Variants in CLEC1A observed in about 807,000 individuals in gnomAD.
CLEC1A encodes the protein C-type lectin domain family 1 member A.
CLEC1A carries 34 observed loss-of-function variants against 28.7 expected under a neutral mutation model. The observed-to-expected ratio is 1.18, with a 90% CI of 0.90 to 1.57. The LOEUF (loss-of-function observed/expected upper bound fraction) is 1.57. CLEC1A is among the 40% of genes most tolerant of loss of function. The pLI, the probability that CLEC1A is intolerant of heterozygous loss-of-function variation, is 0.00. For synonymous variants in CLEC1A, 116 were observed against 121.0 expected (o/e 0.96, Z 0.27); for missense variants, 385 against 339.5 (o/e 1.13, Z -1.05).
intron 1 of CLEC1A, among the ~76,000 whole-genome samples, chr12:10,090,509 C>T (rs1223768307): frequency 1.3e-5 from 2 of 152,164 alleles, no homozygotes; most frequent in East Asian, 1.9e-4. Context: ...AAGTGATCCT[C>T]TAACCCCGCC....
chr12:10,097,611 C>G (rs1266210492), intron 1 of CLEC1A, among the ~76,000 whole-genome samples: 1 of 151,302 alleles, frequency 6.6e-6, no homozygotes, highest in Non-Finnish European at 1.5e-5. Context: ...CTCCACCTCC[C>G]TCTCCACCCT....
intron 3 of CLEC1A, among the ~76,000 whole-genome samples, chr12:10,080,214 G>T (rs1866338657): frequency 6.6e-6 from 1 of 152,146 alleles, no homozygotes; most frequent in African/African-American, 2.4e-5. Context: ...TCAGGAGGCT[G>T]AGGCAGGAGA....
At chr12:10,077,963 T>C (rs2002172171) in intron 3 of CLEC1A, among the ~76,000 whole-genome samples, 2 of 152,166 alleles carry the variant, frequency 1.3e-5, no homozygotes, top group Admixed American at 1.3e-4. Context: ...TCTATGCTTC[T>C]AGTTGTTTTG....
In CLEC1A at chr12:10,081,296, G is replaced by A. The variant is rs769949469; in HGVS notation, c.332C>T (p.Ala111Val). Residue 111 changes from alanine to valine, a missense_variant, in exon 3 of 6, where the codon GCA becomes GTA. By Grantham distance (64) the Ala-to-Val change is moderately conservative. Coordinates refer to ENST00000315330, the MANE Select transcript of CLEC1A (RefSeq NM_016511.4). ...QSLQVQNIKL[A>V]GSLQHVAEKL... is the part of the protein sequence containing the mutation. ...TTCAGCCACATGCTGCAGACTTCCT[G>A]CAAGCTTTATATTCTGGACTTGAAG... The A allele has an allele frequency of 8.1e-6, 13 of 1,612,550 alleles. No homozygotes were observed. Among genetic ancestry groups the A allele is most frequent in the Non-Finnish European group, 1.1e-5 (13 of 1,179,370 alleles).
chr12:10,084,659 A>G (rs11561164), intron 2 of CLEC1A, among the ~76,000 whole-genome samples: 2,436 of 151,932 alleles, frequency 0.016, 62 homozygotes, highest in East Asian at 0.11. Context: ...TGTCTCCACT[A>G]AAAATACAAA....
intron 3 of CLEC1A, 125 bp downstream of exon 3, chr12:10,081,112 C>A: frequency 1.3e-6 from 1 of 768,044 alleles, no homozygotes; most frequent in Non-Finnish European, 2.1e-6. Context: ...GATCTTGAAG[C>A]CCAAACCCTT....
Position 10,081,324 on chromosome 12 carries a change from AT to A in CLEC1A, c.303del (p.Gln101HisfsTer8), listed in dbSNP as rs1261810333. ...AGCTTTATATTCTGGACTTGAAGAG[AT>A]TGCAACTCTTGGGACGTATTTCCTA... ...ERLGNTSQEL[Q>X]SLQVQNIKLA... is the part of the protein sequence containing the mutation. On this transcript the variant is annotated frameshift_variant, in exon 3 of 6. Coordinates refer to ENST00000315330, the MANE Select transcript of CLEC1A (RefSeq NM_016511.4). LOFTEE classifies it high-confidence loss of function. 2 of 1,612,850 alleles carry A rather than the reference AT, an allele frequency of 1.2e-6. No individual in the cohort carries two copies. The highest frequency in any genetic ancestry group is 1.7e-6 in the Non-Finnish European group (2 of 1,179,234).
At position 10,098,821 on chromosome 12, in the gene CLEC1A, C is replaced by T. The variant is rs772876022; in HGVS notation, c.102G>A (p.Glu34=). 1.4e-5 allele frequency: 23 copies of T among 1,612,372 alleles called. No individual in the cohort carries two copies. Among genetic ancestry groups the T allele is most frequent in the Admixed American group, 1.0e-4 (6 of 59,916 alleles). ...GAGACAGGGTACCTGTGCGCCGGGGCTCTGGATGCCGAGTTGTGGCAGAGC... is the reference window on the plus strand; with the variant it reads ...GAGACAGGGTACCTGTGCGCCGGGGTTCTGGATGCCGAGTTGTGGCAGAGC... ...SQGSATTRHP[E]PRRTEHRAPS... The change falls in exon 1 of 6, where the codon GAG becomes GAA. Residue 34 remains glutamate (E), a synonymous_variant. Coordinates refer to ENST00000315330, the MANE Select transcript of CLEC1A (RefSeq NM_016511.4).
At chr12:10,098,683 C>A in intron 1 of CLEC1A, 125 bp downstream of exon 1, 2 of 617,326 alleles carry the variant, frequency 3.2e-6, no homozygotes, top group Non-Finnish European at 5.6e-6. Context: ...TACTATGTCA[C>A]AGGGCGAGTA....
At chr12:10,083,614 A>T (rs541886591) in intron 2 of CLEC1A, among the ~76,000 whole-genome samples, 1 of 152,216 alleles carries the variant, frequency 6.6e-6, no homozygotes, top group Admixed American at 6.5e-5. Context: ...CTGGGATTAC[A>T]GGTGCCCACC....
intron 1 of CLEC1A, among the ~76,000 whole-genome samples, chr12:10,090,516 C>T (rs1866595079): frequency 6.6e-6 from 1 of 152,082 alleles, no homozygotes; most frequent in Non-Finnish European, 1.5e-5. Flanking sequence ...CCTCTAACCC[C>T]GCCTCCCAAA....
At chr12:10,097,824 A>G (rs3912644) in intron 1 of CLEC1A, among the ~76,000 whole-genome samples, 112,909 of 149,660 alleles carry the variant, frequency 0.75, 44,403 homozygotes, top group Non-Finnish European at 0.88. Flanking sequence ...TGTGGCTACA[A>G]AAGCTGACAT....
chr12:10,089,663 A>T (rs1866572595), intron 1 of CLEC1A, among the ~76,000 whole-genome samples: 1 of 152,082 alleles, frequency 6.6e-6, no homozygotes, highest in South Asian at 2.1e-4. Flanking sequence ...GTTACTTTTG[A>T]AAAACATCCC....
At chr12:10,091,099 G>GT (rs748656024) in intron 1 of CLEC1A, among the ~76,000 whole-genome samples, 1 of 152,120 alleles carries the variant, frequency 6.6e-6, no homozygotes, top group Admixed American at 6.5e-5. Context: ...GAAGAGGTCC[G>GT]TAAGTCCATC....
intron 2 of CLEC1A, among the ~76,000 whole-genome samples, chr12:10,087,709 G>C (rs946932077): frequency 1.3e-5 from 2 of 150,204 alleles, no homozygotes; most frequent in African/African-American, 4.9e-5. Context: ...TTTCAGTAGA[G>C]ACAAGGTTTC....
At chr12:10,078,472 T>A (rs1161933721) in intron 3 of CLEC1A, among the ~76,000 whole-genome samples, 1 of 152,228 alleles carries the variant, frequency 6.6e-6, no homozygotes, top group African/African-American at 2.4e-5. Context: ...TGCTACCATA[T>A]AATCATCTTA....
At position 10,089,219 on chromosome 12, in the gene CLEC1A, T is replaced by C; in HGVS notation, c.119A>G (p.His40Arg). The C allele has an allele frequency of 6.2e-7, 1 of 1,613,782 alleles. No homozygotes were observed. The highest frequency in any genetic ancestry group is 2.2e-5 in the East Asian group (1 of 44,874). Residue 40 changes from histidine (H) to arginine (R), a missense_variant, in exon 2 of 6, where the codon CAC becomes CGC. Physicochemically the swap from His to Arg is conservative, Grantham distance 29. Coordinates refer to ENST00000315330, the MANE Select transcript of CLEC1A (RefSeq NM_016511.4). ...TCGCCACGTTGAAGAGGGAGCCCTG[T>C]GCTCTGCAGGGAACAGAAGAGAAAG... is the stretch of plus-strand genomic sequence containing the variant. Reference protein sequence around the residue: ...TRHPEPRRTEHRAPSSTWRPV... With the variant: ...TRHPEPRRTERRAPSSTWRPV...
At chr12:10,093,821 T>C (rs1947740789) in intron 1 of CLEC1A, among the ~76,000 whole-genome samples, 1 of 152,102 alleles carries the variant, frequency 6.6e-6, no homozygotes, top group South Asian at 2.1e-4. Context: ...CTTTGTATTT[T>C]GAAATGTAAA....
At position 10,093,429 on chromosome 12, in the gene CLEC1A, C is replaced by T. The variant is rs1947734167; in HGVS notation, c.116-4207G>A. ...TTAGTATTAACCATACTATAAAAGG[C>T]CTTAGTGCTAGGGTCAAATTTTGGA... On this transcript the variant is annotated intron_variant, in intron 1 of 5. Coordinates refer to ENST00000315330, the MANE Select transcript of CLEC1A (RefSeq NM_016511.4). 3.4e-5 allele frequency among the ~76,000 whole-genome samples: 5 copies of T among 147,342 alleles called. No individual in the cohort carries two copies. The South Asian group carries it at 6.9e-4, about 20-fold the overall frequency.
Sources: gnomAD v4.1 joint callset for allele counts (sites outside exome capture counted in the v4.1 genomes callset) on GRCh38, gnomAD v4.1.1 for gene constraint, MANE v1.5 for transcripts, NCBI Gene and HGNC (gene_info 2026-07-23, HGNC 2026-07-21) for gene names.